PARD3: variants seen among roughly 807,000 people sequenced by gnomAD.
The protein encoded by PARD3 is partitioning defective 3 homolog.
PARD3 carries 75 observed loss-of-function variants against 155.4 expected under a neutral mutation model. The observed-to-expected ratio is 0.48, with a 90% CI of 0.40 to 0.58. The LOEUF is 0.58. PARD3 is among the 20% of genes least tolerant of loss of function. PARD3 has a pLI of 0.00. For synonymous variants in PARD3, 576 were observed against 610.5 expected, an observed-to-expected ratio of 0.94 and a Z score of 0.83; for missense variants, 1,642 against 1,721.7, an observed-to-expected ratio of 0.95 and a Z score of 0.82.
intron 3 of PARD3, among the ~76,000 whole-genome samples, chr10:34,486,433 C>T (rs2079476578): frequency 6.6e-6 from 1 of 152,028 alleles, no homozygotes; most frequent in Non-Finnish European, 1.5e-5. Flanking sequence ...GGTGGTGGTG[C>T]CTGGCCAGAT....
chr10:34,430,805 AG>A (rs1274999404), intron 5 of PARD3, among the ~76,000 whole-genome samples: 3 of 152,206 alleles, frequency 2.0e-5, no homozygotes, highest in Admixed American at 2.0e-4. Flanking sequence ...GGAGGATCAC[AG>A]GGGTCAGGCT....
chr10:34,662,264 G>A (rs943726435), intron 2 of PARD3, among the ~76,000 whole-genome samples: 1 of 152,172 alleles, frequency 6.6e-6, no homozygotes, highest in African/African-American at 2.4e-5. Flanking sequence ...ACAAAGGCTG[G>A]CAAGGATGTG....
intron 2 of PARD3, among the ~76,000 whole-genome samples, chr10:34,608,879 A>G (rs1021200407): frequency 2.0e-5 from 3 of 152,170 alleles, no homozygotes; most frequent in Non-Finnish European, 4.4e-5. Flanking sequence ...TTTACATAGC[A>G]TTTATATTGT....
rs116031864 is a variant in PARD3 at position 34,508,642 on chromosome 10, T to C, written c.403+8337A>G. On this transcript the variant is annotated intron_variant, in intron 3 of 24. Transcript: ENST00000374788. ...ACTGTGTGACCCTGAAAGCTTCAGA[T>C]CTAAGCCTGATTTGTTAATATTGAA... Among the ~76,000 whole-genome samples the C allele has an allele frequency of 9.3e-3, 1,411 of 152,282 alleles. 28 individuals carry two copies. The highest frequency in any genetic ancestry group is 0.032 in the African/African-American group (1,350 of 41,550).
intron 3 of PARD3, among the ~76,000 whole-genome samples, chr10:34,498,585 T>C (rs1407304034): frequency 6.6e-6 from 1 of 152,130 alleles, no homozygotes; most frequent in African/African-American, 2.4e-5. Flanking sequence ...GACACCAGCC[T>C]GGCCAACACG....
chr10:34,701,562 TGGAA>T (rs1274823731), intron 1 of PARD3, among the ~76,000 whole-genome samples: 1 of 152,068 alleles, frequency 6.6e-6, no homozygotes, highest in Non-Finnish European at 1.5e-5. Flanking sequence ...TAAGAGGCTC[TGGAA>T]TGGGGAGAAC....
At chr10:34,213,555 G>A (rs2133417518) in intron 22 of PARD3, among the ~76,000 whole-genome samples, 1 of 152,256 alleles carries the variant, frequency 6.6e-6, no homozygotes, top group South Asian at 2.1e-4. Context: ...AAGCCTATTG[G>A]TCTAACTTGA....
At position 34,372,480 on chromosome 10, in the gene PARD3, A is replaced by G; in HGVS notation, c.1707+18T>C. ...TCTTTCCAACATCTCTGCATCCTTC[A>G]AAAGACAAAGCTCTTACCGTTTCTT... On this transcript the variant is annotated intron_variant, in intron 12 of 24. Coordinates refer to ENST00000374788, the MANE Select transcript of PARD3 (RefSeq NM_001184785.2). 6.3e-7 allele frequency: 1 copy of G among 1,595,768 alleles called. No individual in the cohort carries two copies. Among genetic ancestry groups the G allele is most frequent in the Non-Finnish European group, 8.6e-7 (1 of 1,163,660 alleles).
At chr10:34,786,660 CA>C (rs1461498565) in intron 1 of PARD3, among the ~76,000 whole-genome samples, 1 of 151,598 alleles carries the variant, frequency 6.6e-6, no homozygotes, top group African/African-American at 2.4e-5. Context: ...ATGACAGGGA[CA>C]GATCTCCATG....
intron 20 of PARD3, among the ~76,000 whole-genome samples, chr10:34,314,720 A>G (rs1957903628): frequency 6.6e-6 from 1 of 152,270 alleles, no homozygotes; most frequent in Non-Finnish European, 1.5e-5. Context: ...GTCATTATAT[A>G]GTATTAGCCC....
At chr10:34,573,517 C>G (rs961137638) in intron 2 of PARD3, among the ~76,000 whole-genome samples, 1 of 152,094 alleles carries the variant, frequency 6.6e-6, no homozygotes, top group Non-Finnish European at 1.5e-5. Flanking sequence ...GCCTGGGCAA[C>G]ATGGTAAAAC....
rs2086088140 is a variant in PARD3 at position 34,567,928 on chromosome 10, C to T, written c.223-50769G>A. 2.0e-5 allele frequency among the ~76,000 whole-genome samples: 3 copies of T among 152,326 alleles called. 1 individual carries two copies. Among genetic ancestry groups the T allele is most frequent in the South Asian group, 4.1e-4 (2 of 4,828 alleles). ...AGCATGATTAGTTCACTACGAGGAACGTGTCCTTGTATCCTATATCCAACA... is the reference window on the plus strand; with the variant it reads ...AGCATGATTAGTTCACTACGAGGAATGTGTCCTTGTATCCTATATCCAACA... On this transcript the variant is annotated intron_variant, in intron 2 of 24. Coordinates refer to ENST00000374788, the MANE Select transcript of PARD3 (RefSeq NM_001184785.2).
intron 3 of PARD3, among the ~76,000 whole-genome samples, chr10:34,480,018 A>C (rs888641545): frequency 3.7e-4 from 57 of 152,240 alleles, no homozygotes; most frequent in African/African-American, 1.1e-3. Flanking sequence ...AGGCTGAATA[A>C]GCCTGCCTTT....
rs1483489484 is a variant in PARD3 at position 34,517,018 on chromosome 10, T to C, written c.364A>G (p.Thr122Ala). Residue 122 changes from threonine to alanine, a missense_variant, in exon 3 of 25, where the codon ACA becomes GCA. Thr to Ala is a moderately conservative substitution (Grantham distance 58). This residue lies in a region of PARD3 where 1,529 missense variants were observed against 1,587.3 expected (regional missense o/e 0.96). Coordinates refer to ENST00000374788, the MANE Select transcript of PARD3 (RefSeq NM_001184785.2). Reference sequence around the variant, plus strand: ...GAAGGTGTGACCTCAATTTCACTTGTTGCTTGGTAAGGCTGAAAGGCTGAG... The same window carrying C: ...GAAGGTGTGACCTCAATTTCACTTGCTGCTTGGTAAGGCTGAAAGGCTGAG... ...NVSAFQPYQA[T>A]SEIEVTPSVL... The C allele has an allele frequency of 1.9e-6, 3 of 1,614,194 alleles. No individual in the cohort carries two copies. The highest frequency in any genetic ancestry group is 2.2e-5 in the East Asian group (1 of 44,876).
chr10:34,528,769 T>C (rs1291021716), intron 2 of PARD3, among the ~76,000 whole-genome samples: 1 of 152,206 alleles, frequency 6.6e-6, no homozygotes, highest in Non-Finnish European at 1.5e-5. Context: ...CTTGCATTTA[T>C]TCTGCACGAG....
At chr10:34,766,703 T>G (rs1838148594) in intron 1 of PARD3, among the ~76,000 whole-genome samples, 1 of 128,092 alleles carries the variant, frequency 7.8e-6, no homozygotes, top group Non-Finnish European at 1.6e-5. Context: ...AGCAGGGGTA[T>G]AGAAACAAAG....
chr10:34,788,299 A>G (rs965347714), intron 1 of PARD3, among the ~76,000 whole-genome samples: 3 of 152,068 alleles, frequency 2.0e-5, no homozygotes, highest in Non-Finnish European at 4.4e-5. Context: ...TGTCACCCAG[A>G]AAGCGCAGGA....
At chr10:34,254,087 A>T (rs1352309791) in intron 22 of PARD3, among the ~76,000 whole-genome samples, 13 of 152,162 alleles carry the variant, frequency 8.5e-5, no homozygotes, top group Non-Finnish European at 1.9e-4. Flanking sequence ...CAAACAAACT[A>T]AAAAAATTTT....
chr10:34,699,021 T>C (rs1016523523), intron 1 of PARD3, among the ~76,000 whole-genome samples: 2 of 152,204 alleles, frequency 1.3e-5, no homozygotes, highest in Admixed American at 1.3e-4. Flanking sequence ...CCTCATCTTA[T>C]TTGGTCTATC....
Sources: gnomAD v4.1 joint callset for allele counts (sites outside exome capture counted in the v4.1 genomes callset) on GRCh38, gnomAD v4.1.1 for gene constraint, gnomAD v4.1.1 regional missense constraint, MANE v1.5 for transcripts, NCBI Gene and HGNC (gene_info 2026-07-23, HGNC 2026-07-21) for gene names.